Variants in FSTL4 observed in about 807,000 individuals in gnomAD.
FSTL4 encodes the protein follistatin-related protein 4.
A neutral mutation model predicts 78.2 loss-of-function variants in FSTL4; 28 were observed. The ratio of observed to expected loss-of-function variants is 0.36; its 90% CI spans 0.27 to 0.49. FSTL4 has a LOEUF of 0.49. Among genes scored for constraint, FSTL4 ranks in the 20% least tolerant of loss-of-function variants. The probability of loss-of-function intolerance (pLI) is 0.98; values close to 1 mark genes in which losing one functional copy is unlikely to be tolerated. For missense variants in FSTL4, 922 were observed against 1,084.9 expected, an observed-to-expected ratio of 0.85 and a Z score of 2.11; for synonymous variants, 422 against 440.5, an observed-to-expected ratio of 0.96 and a Z score of 0.53.
At chr5:133,766,037 C>T in the FSTL4 span, among the ~76,000 whole-genome samples, 1 of 152,244 alleles carries the variant, frequency 6.6e-6, no homozygotes, top group South Asian at 2.1e-4. Context: ...TGTACCCACA[C>T]TGAGGAGGGG....
chr5:133,537,807 C>T (rs1759382480), intron 3 of FSTL4, among the ~76,000 whole-genome samples: 2 of 151,784 alleles, frequency 1.3e-5, no homozygotes, highest in Admixed American at 1.3e-4. Flanking sequence ...TACACACACA[C>T]ACACACACAC....
the FSTL4 span, among the ~76,000 whole-genome samples, chr5:133,798,753 C>A: frequency 2.0e-5 from 3 of 152,212 alleles, no homozygotes; most frequent in Admixed American, 6.5e-5. Context: ...GTTCTGTGGG[C>A]TCCTACAGCC....
chr5:133,335,105 C>G (rs1754434364), intron 4 of FSTL4, among the ~76,000 whole-genome samples: 1 of 152,186 alleles, frequency 6.6e-6, no homozygotes, highest in Admixed American at 6.5e-5. Flanking sequence ...TGACACGGCA[C>G]CACCTCCTCA....
chr5:133,752,731 G>A, the FSTL4 span, among the ~76,000 whole-genome samples: 7 of 152,170 alleles, frequency 4.6e-5, no homozygotes, highest in East Asian at 9.6e-4. Context: ...CTATATAACA[G>A]TGATCATTTG....
chr5:133,469,736 A>G (rs1367775109), intron 3 of FSTL4, among the ~76,000 whole-genome samples: 1 of 152,176 alleles, frequency 6.6e-6, no homozygotes, highest in Non-Finnish European at 1.5e-5. Flanking sequence ...ACCCTTGGTG[A>G]GCAAGGGATT....
chr5:133,786,683 C>T, the FSTL4 span, among the ~76,000 whole-genome samples: 122 of 152,302 alleles, frequency 8.0e-4, no homozygotes, highest in African/African-American at 2.8e-3. Context: ...GGAAGTGAGA[C>T]AGGCATTGAG....
intron 2 of FSTL4, among the ~76,000 whole-genome samples, chr5:133,595,096 A>T (rs1302938091): frequency 6.6e-6 from 1 of 152,186 alleles, no homozygotes; most frequent in Admixed American, 6.5e-5. Flanking sequence ...TGGTTTTGGC[A>T]AGGGTCTGGC....
chr5:133,657,570 T>C, the FSTL4 span, among the ~76,000 whole-genome samples: 3 of 152,212 alleles, frequency 2.0e-5, no homozygotes, highest in Admixed American at 6.5e-5. Flanking sequence ...CCATATCTGT[T>C]CTTTTCTGCC....
At chr5:133,569,090 T>G (rs991659348) in intron 2 of FSTL4, among the ~76,000 whole-genome samples, 1 of 152,320 alleles carries the variant, frequency 6.6e-6, no homozygotes, top group East Asian at 1.9e-4. Flanking sequence ...TTGATGGCAA[T>G]TTAAAAATAT....
At chr5:133,467,079 TGTGTGA>T (rs1422649641) in intron 3 of FSTL4, among the ~76,000 whole-genome samples, 1 of 151,972 alleles carries the variant, frequency 6.6e-6, no homozygotes, top group Non-Finnish European at 1.5e-5. Context: ...TGCATGTGTA[TGTGTGA>T]GTGTAAGAGT....
chr5:133,677,147 T>C, the FSTL4 span, among the ~76,000 whole-genome samples: 1 of 152,260 alleles, frequency 6.6e-6, no homozygotes, highest in African/African-American at 2.4e-5. Flanking sequence ...CCTCTGCCTC[T>C]GTTTAAAGGC....
At chr5:133,444,386 C>T (rs1415499672) in intron 3 of FSTL4, among the ~76,000 whole-genome samples, 1 of 152,240 alleles carries the variant, frequency 6.6e-6, no homozygotes, top group Non-Finnish European at 1.5e-5. Flanking sequence ...TCCTTACCTA[C>T]AGCCACCCTG....
chr5:133,233,331 C>T, intron 8 of FSTL4, 86 bp downstream of exon 8: 2 of 1,419,356 alleles, frequency 1.4e-6, no homozygotes, highest in Non-Finnish European at 2.0e-6. Context: ...TTTAAGAAGA[C>T]AGAATACAGG....
chr5:133,735,003 C>T, the FSTL4 span, among the ~76,000 whole-genome samples: 8 of 152,166 alleles, frequency 5.3e-5, no homozygotes, highest in Non-Finnish European at 1.0e-4. Flanking sequence ...TGGGACTGTG[C>T]GAGGAGGCTC....
chr5:133,480,088 A>G (rs1423205406), intron 3 of FSTL4, among the ~76,000 whole-genome samples: 1 of 152,210 alleles, frequency 6.6e-6, no homozygotes, highest in Non-Finnish European at 1.5e-5. Flanking sequence ...CAAGGGAGAA[A>G]GGCAGATGTG....
the FSTL4 span, among the ~76,000 whole-genome samples, chr5:133,834,517 TG>T: frequency 7.5e-6 from 1 of 133,162 alleles, no homozygotes; most frequent in East Asian, 2.2e-4. Context: ...TTGTGGGGGG[TG>T]GGGGGAGTAA....
intron 2 of FSTL4, among the ~76,000 whole-genome samples, chr5:133,572,954 C>A (rs926974770): frequency 2.0e-5 from 3 of 152,138 alleles, no homozygotes; most frequent in Admixed American, 6.5e-5. Context: ...CATTAAAACA[C>A]AAGGATTGGG....
At chr5:133,419,905 TATATATC>T (rs1756657933) in intron 3 of FSTL4, among the ~76,000 whole-genome samples, 3 of 152,226 alleles carry the variant, frequency 2.0e-5, no homozygotes, top group Non-Finnish European at 4.4e-5. Flanking sequence ...CACTCATAGG[TATATATC>T]CAAGAGAAAT....
chr5:133,209,437 T>C (rs1457173999), intron 14 of FSTL4, among the ~76,000 whole-genome samples: 1 of 152,206 alleles, frequency 6.6e-6, no homozygotes, highest in Non-Finnish European at 1.5e-5. Context: ...GCATCCATTA[T>C]ATGTAATGAA....
Sources: gnomAD v4.1 joint callset for allele counts (sites outside exome capture counted in the v4.1 genomes callset) on GRCh38, gnomAD v4.1.1 for gene constraint, MANE v1.5 for transcripts, NCBI Gene and HGNC (gene_info 2026-07-23, HGNC 2026-07-21) for gene names.